The following GPC6 variants were observed in gnomAD, a reference collection of about 807,000 sequenced individuals.
GPC6 encodes glypican 6, also known as glypican-6.
In GPC6, 14 loss-of-function variants were observed where a neutral mutation model predicts 55.2. That is an observed-to-expected ratio of 0.25 (90% CI 0.17 to 0.40). The LOEUF (loss-of-function observed/expected upper bound fraction) is 0.40, where lower values mean the gene tolerates loss of function less well. Ranked by LOEUF, GPC6 falls within the 10% of genes least tolerant of loss-of-function variation. The pLI, the probability that GPC6 is intolerant of heterozygous loss-of-function variation, is 1.00. For missense variants in GPC6, 641 were observed against 708.5 expected (o/e 0.90, Z 1.08); for synonymous variants, 278 against 259.6 (o/e 1.07, Z -0.68).
chr13:94,225,428 C>T (rs556867473), intron 4 of GPC6, among the ~76,000 whole-genome samples: 6 of 152,044 alleles, frequency 3.9e-5, no homozygotes, highest in Non-Finnish European at 7.4e-5. Context: ...TACTCTCATA[C>T]GGACTTTTTT....
intron 4 of GPC6, among the ~76,000 whole-genome samples, chr13:94,085,346 G>GAAA (rs1555294278): frequency 5.8e-5 from 8 of 137,314 alleles, no homozygotes; most frequent in South Asian, 2.2e-4. Flanking sequence ...AAAAAAAAAG[G>GAAA]GAAGAAAAAG....
At chr13:93,998,617 A>G (rs1221806500) in intron 3 of GPC6, among the ~76,000 whole-genome samples, 3 of 152,166 alleles carry the variant, frequency 2.0e-5, no homozygotes, top group Non-Finnish European at 4.4e-5. Context: ...TTGTAAGTCA[A>G]TGAAATTTTG....
At chr13:93,692,594 T>C (rs1171318360) in intron 2 of GPC6, among the ~76,000 whole-genome samples, 1 of 152,108 alleles carries the variant, frequency 6.6e-6, no homozygotes, top group Non-Finnish European at 1.5e-5. Flanking sequence ...TTATGGATCA[T>C]TAGAAAATAT....
intron 4 of GPC6, among the ~76,000 whole-genome samples, chr13:94,281,421 A>G (rs753429676): frequency 2.0e-4 from 31 of 152,098 alleles, no homozygotes; most frequent in South Asian, 2.1e-4. Context: ...CCTGAATATC[A>G]TATCATTTTT....
intron 1 of GPC6, among the ~76,000 whole-genome samples, chr13:93,324,431 G>T (rs1879566542): frequency 1.3e-5 from 2 of 151,398 alleles, no homozygotes; most frequent in South Asian, 4.2e-4. Context: ...GAGTATAATT[G>T]GATTGTTTGT....
chr13:93,505,315 C>T (rs1193419717), intron 1 of GPC6, among the ~76,000 whole-genome samples: 2 of 152,132 alleles, frequency 1.3e-5, no homozygotes, highest in Non-Finnish European at 2.9e-5. Context: ...GGGGGAAATA[C>T]ATGGTTAGGT....
intron 4 of GPC6, among the ~76,000 whole-genome samples, chr13:94,028,652 C>G (rs1160122015): frequency 6.6e-6 from 1 of 152,158 alleles, no homozygotes; most frequent in African/African-American, 2.4e-5. Flanking sequence ...AATTTTCTAT[C>G]TCATTCTGTG....
chr13:93,797,713 A>G lies in GPC6; in HGVS notation c.320-32441A>G, dbSNP rs1886242612. Among the ~76,000 whole-genome samples the G allele has an allele frequency of 2.0e-5, 3 of 152,212 alleles. No homozygotes were observed. The East Asian group carries it at 5.8e-4, about 29-fold the overall frequency. ...GCCTAAGAGAGAAAGTAAATGGGGA[A>G]GAAAGAAATATAATAGGCCAGACAG... On this transcript the variant is annotated intron_variant, in intron 2 of 8. Coordinates refer to ENST00000377047, the MANE Select transcript of GPC6 (RefSeq NM_005708.5).
At chr13:93,932,438 T>A (rs1594598768) in intron 3 of GPC6, among the ~76,000 whole-genome samples, 1 of 152,154 alleles carries the variant, frequency 6.6e-6, no homozygotes, top group Non-Finnish European at 1.5e-5. Context: ...TCACTAACAA[T>A]TGAAATTAAA....
At chr13:93,346,835 T>C (rs1030488114) in intron 1 of GPC6, among the ~76,000 whole-genome samples, 1 of 152,164 alleles carries the variant, frequency 6.6e-6, no homozygotes, top group Non-Finnish European at 1.5e-5. Flanking sequence ...GGATAGTGTA[T>C]AGCATTATGT....
chr13:94,304,707 A>G (rs74105767), intron 5 of GPC6, among the ~76,000 whole-genome samples: 1 of 152,354 alleles, frequency 6.6e-6, no homozygotes, highest in African/African-American at 2.4e-5. Flanking sequence ...TAAAAACAGC[A>G]AAGGAAGTGT....
At chr13:93,343,856 A>G (rs965543204) in intron 1 of GPC6, among the ~76,000 whole-genome samples, 2 of 152,152 alleles carry the variant, frequency 1.3e-5, no homozygotes, top group Non-Finnish European at 2.9e-5. Context: ...AATTATGCTC[A>G]TTGCAAATGC....
At chr13:93,340,224 C>T (rs1013356056) in intron 1 of GPC6, among the ~76,000 whole-genome samples, 2 of 151,660 alleles carry the variant, frequency 1.3e-5, no homozygotes, top group Non-Finnish European at 1.5e-5. Context: ...TTAGTAGAGA[C>T]GGGGTTTCAC....
intron 3 of GPC6, among the ~76,000 whole-genome samples, chr13:93,989,716 A>C (rs1264584780): frequency 6.6e-6 from 1 of 152,118 alleles, no homozygotes; most frequent in African/African-American, 2.4e-5. Context: ...ATTAAATTGA[A>C]GACTGGTCGT....
chr13:93,308,928 C>T (rs1173244166), intron 1 of GPC6, among the ~76,000 whole-genome samples: 1 of 152,154 alleles, frequency 6.6e-6, no homozygotes, highest in Non-Finnish European at 1.5e-5. Flanking sequence ...AATTTATCCT[C>T]TTAAACATTC....
chr13:94,378,642 G>C (rs557507105), intron 6 of GPC6, among the ~76,000 whole-genome samples: 4 of 152,258 alleles, frequency 2.6e-5, no homozygotes, highest in Admixed American at 2.6e-4. Flanking sequence ...TCCTAAAAGA[G>C]GGCTCATGTT....
intron 1 of GPC6, among the ~76,000 whole-genome samples, chr13:93,537,405 A>G (rs185523107): frequency 6.6e-6 from 1 of 152,322 alleles, no homozygotes; most frequent in Admixed American, 6.5e-5. Context: ...TAAATTTAGA[A>G]AGAATTAATA....
intron 3 of GPC6, among the ~76,000 whole-genome samples, chr13:93,929,199 C>T (rs955686831): frequency 2.6e-5 from 4 of 152,188 alleles, no homozygotes; most frequent in African/African-American, 9.6e-5. Context: ...GTCAGCCTCT[C>T]CAGAAGTCTG....
chr13:94,072,724 C>T (rs9516340), intron 4 of GPC6, among the ~76,000 whole-genome samples: 27,541 of 152,152 alleles, frequency 0.18, 2,625 homozygotes, highest in South Asian at 0.25. Flanking sequence ...GCAAAGGCAC[C>T]AGTTCCTGTT....
Sources: gnomAD v4.1 joint callset for allele counts (sites outside exome capture counted in the v4.1 genomes callset) on GRCh38, gnomAD v4.1.1 for gene constraint, MANE v1.5 for transcripts, NCBI Gene and HGNC (gene_info 2026-07-23, HGNC 2026-07-21) for gene names.